Variants in RB1 observed in about 807,000 individuals in gnomAD.
RB1 encodes RB transcriptional corepressor 1.
RB1 carries 18 observed loss-of-function variants against 135.4 expected under a neutral mutation model. The observed-to-expected ratio is 0.13, with a 90% CI of 0.09 to 0.20. The LOEUF is 0.20. RB1 is among the 10% of genes least tolerant of loss of function. The pLI is 1.00. For missense variants in RB1, 868 were observed against 1,110.0 expected, an observed-to-expected ratio of 0.78 and a Z score of 3.10; for synonymous variants, 365 against 373.2, an observed-to-expected ratio of 0.98 and a Z score of 0.25.
intron 8 of RB1, among the ~76,000 whole-genome samples, chr13:48,363,354 C>T (rs947664365): frequency 1.3e-5 from 2 of 151,942 alleles, no homozygotes; most frequent in African/African-American, 2.4e-5. Context: ...AGGTCTAGAC[C>T]AGCCTGAACA....
intron 4 of RB1, among the ~76,000 whole-genome samples, chr13:48,347,189 T>C (rs1952506356): frequency 6.6e-6 from 1 of 152,094 alleles, no homozygotes; most frequent in African/African-American, 2.4e-5. Flanking sequence ...GTAACTATAG[T>C]GGTGATTTTG....
intron 17 of RB1, among the ~76,000 whole-genome samples, chr13:48,405,430 TA>T (rs1159180029): frequency 2.0e-5 from 3 of 152,224 alleles, no homozygotes; most frequent in Non-Finnish European, 4.4e-5. Context: ...TGCCAGACAC[TA>T]AAATAAATGA....
intron 7 of RB1, among the ~76,000 whole-genome samples, chr13:48,361,546 TA>T (rs1392886340): frequency 6.6e-6 from 1 of 152,164 alleles, no homozygotes; most frequent in Non-Finnish European, 1.5e-5. Context: ...AAATACTTTT[TA>T]AAAAGCATAA....
chr13:48,314,423 A>G (rs1952161762), intron 2 of RB1, among the ~76,000 whole-genome samples: 2 of 152,198 alleles, frequency 1.3e-5, no homozygotes, highest in Non-Finnish European at 2.9e-5. Context: ...TGGTGATATT[A>G]TTATAAATGG....
intron 17 of RB1, among the ~76,000 whole-genome samples, chr13:48,386,362 G>A (rs965008592): frequency 1.2e-4 from 3 of 25,058 alleles, no homozygotes; most frequent in African/African-American, 1.8e-4. Flanking sequence ...GACCTGTATG[G>A]TATTTTTTTT....
intron 26 of RB1, among the ~76,000 whole-genome samples, chr13:48,479,382 G>C (rs1363928714): frequency 6.6e-6 from 1 of 152,226 alleles, no homozygotes; most frequent in African/African-American, 2.4e-5. Context: ...GAGTATTCTA[G>C]TCTGCTGAAG....
At chr13:48,373,367 C>A (rs376410236) in intron 11 of RB1, 38 bp from the exon 12 acceptor site, 12 of 1,262,708 alleles carry the variant, frequency 9.5e-6, no homozygotes, top group Non-Finnish European at 1.4e-5. Context: ...TTTCTCCCTT[C>A]ATTGCTTAAC....
chr13:48,373,722 C>T (rs1275144492), intron 12 of RB1, among the ~76,000 whole-genome samples: 1 of 152,048 alleles, frequency 6.6e-6, no homozygotes, highest in Non-Finnish European at 1.5e-5. Flanking sequence ...GCCTTGCTCA[C>T]CATTCTTCCT....
At chr13:48,411,457 C>A in intron 17 of RB1, 1 of 1,613,380 alleles carries the variant, frequency 6.2e-7, no homozygotes, top group South Asian at 1.1e-5. Flanking sequence ...ATAAAATTCT[C>A]TGCACCATGA....
chr13:48,346,081 T>C (rs536003114), intron 4 of RB1, among the ~76,000 whole-genome samples: 24 of 147,780 alleles, frequency 1.6e-4, no homozygotes, highest in South Asian at 1.1e-3. Context: ...TTAATTGTAA[T>C]ATGGTAGCAT....
chr13:48,342,210 GAAT>G (rs997916374), intron 2 of RB1, among the ~76,000 whole-genome samples: 2 of 151,858 alleles, frequency 1.3e-5, no homozygotes, highest in African/African-American at 4.8e-5. Context: ...AAGAATAAGC[GAAT>G]AAGAACGTGG....
At position 48,342,643 on chromosome 13, in the gene RB1, C is replaced by T. The variant is rs1593434233; in HGVS notation, c.309C>T (p.Ile103=). ...QKKKELWGIC[I]FIAAVDLDEM... ...AAAAGGAACTGTGGGGAATCTGTATCTTTATTGCAGCAGTTGACCTAGATG... is the reference window on the plus strand; with the variant it reads ...AAAAGGAACTGTGGGGAATCTGTATTTTTATTGCAGCAGTTGACCTAGATG... The change falls in exon 3 of 27, where the codon ATC becomes ATT. Residue 103 remains isoleucine (I), a synonymous_variant. Transcript: ENST00000267163. 1.2e-6 allele frequency: 2 copies of T among 1,612,598 alleles called. No homozygotes were observed. The highest frequency in any genetic ancestry group is 1.7e-6 in the Non-Finnish European group (2 of 1,178,914).
At chr13:48,332,911 A>G (rs902778807) in intron 2 of RB1, 22 of 396,510 alleles carry the variant, frequency 5.5e-5, no homozygotes, top group Non-Finnish European at 9.8e-5. Context: ...TAATTTGTAA[A>G]TTAGCCACAG....
intron 2 of RB1, chr13:48,317,205 T>A: frequency 2.1e-6 from 1 of 471,500 alleles, no homozygotes; most frequent in African/African-American, 2.0e-5. Flanking sequence ...CTGAAGAGGC[T>A]GGCCTGCCTG....
chr13:48,450,368 CATTT>C (rs1285792568), intron 17 of RB1, among the ~76,000 whole-genome samples: 1 of 152,000 alleles, frequency 6.6e-6, no homozygotes, highest in Non-Finnish European at 1.5e-5. Flanking sequence ...CTCCGAGGAC[CATTT>C]ATTTATTTAA....
intron 8 of RB1, 97 bp downstream of exon 8, chr13:48,363,054 T>C (rs1445213024): frequency 6.8e-7 from 1 of 1,464,596 alleles, no homozygotes; most frequent in Non-Finnish European, 9.4e-7. Context: ...AGCATGTTTT[T>C]TTTGTAATTA....
intron 23 of RB1, among the ~76,000 whole-genome samples, chr13:48,465,847 G>C (rs2138347367): frequency 6.6e-6 from 1 of 151,410 alleles, no homozygotes; most frequent in South Asian, 2.1e-4. Context: ...GCACTTTTCA[G>C]ACCGGCTTAA....
intron 2 of RB1, among the ~76,000 whole-genome samples, chr13:48,326,938 T>C (rs115654865): frequency 0.03 from 4,606 of 152,196 alleles, 246 homozygotes; most frequent in African/African-American, 0.11. Flanking sequence ...AAAGTATGTG[T>C]GGTGAGATTC....
chr13:48,336,449 C>A (rs1340749962), intron 2 of RB1, among the ~76,000 whole-genome samples: 1 of 152,130 alleles, frequency 6.6e-6, no homozygotes, highest in Non-Finnish European at 1.5e-5. Context: ...TCCATTTCTT[C>A]TAGATTTTCT....
Sources: allele counts gnomAD v4.1 joint callset (sites outside exome capture counted in the v4.1 genomes callset), GRCh38; gene constraint gnomAD v4.1.1; transcripts MANE v1.5; gene names NCBI Gene and HGNC (gene_info 2026-07-23, HGNC 2026-07-21).